The following ADAMTSL1 variants were observed in gnomAD, a reference collection of about 807,000 sequenced individuals.
ADAMTSL1 encodes the protein ADAMTS like 1, also known as ADAMTS-like protein 1.
In ADAMTSL1, 126 loss-of-function variants were observed where a neutral mutation model predicts 201.8. The ratio of observed to expected loss-of-function variants is 0.62; its 90% CI spans 0.54 to 0.72. ADAMTSL1 has a LOEUF of 0.72. Ranked by LOEUF, ADAMTSL1 falls within the 30% of genes least tolerant of loss-of-function variation. ADAMTSL1 has a pLI of 0.00. For synonymous variants in ADAMTSL1, 1,121 were observed against 903.4 expected (o/e 1.24, Z -4.32); for missense variants, 2,679 against 2,277.8 (o/e 1.18, Z -3.59).
At chr9:18,460,719 A>G (rs1820777863) in intron 2 of ADAMTSL1, among the ~76,000 whole-genome samples, 2 of 152,190 alleles carry the variant, frequency 1.3e-5, no homozygotes, top group Non-Finnish European at 2.9e-5. Context: ...AGACCAATGA[A>G]AATACTGCAT....
intron 23 of ADAMTSL1, among the ~76,000 whole-genome samples, chr9:18,867,141 T>C (rs972179059): frequency 4.6e-5 from 7 of 152,176 alleles, no homozygotes; most frequent in African/African-American, 1.7e-4. Context: ...AGGACAGATA[T>C]GAAGGGACTA....
At chr9:18,678,932 CCAAA>C (rs1465017988) in intron 10 of ADAMTSL1, among the ~76,000 whole-genome samples, 1 of 152,076 alleles carries the variant, frequency 6.6e-6, no homozygotes, top group Admixed American at 6.5e-5. Context: ...CTCCCAAGGG[CCAAA>C]CAGAGGGCCT....
chr9:18,828,095 A>G (rs1824699623), intron 22 of ADAMTSL1, among the ~76,000 whole-genome samples: 2 of 152,178 alleles, frequency 1.3e-5, no homozygotes, highest in South Asian at 4.1e-4. Flanking sequence ...TCATCCATGT[A>G]TTCATATAGT....
intron 2 of ADAMTSL1, among the ~76,000 whole-genome samples, chr9:18,374,223 C>T (rs796788879): frequency 5.9e-5 from 9 of 152,302 alleles, no homozygotes; most frequent in African/African-American, 2.2e-4. Flanking sequence ...CCTGGTCCTT[C>T]CTTGGAGCCG....
At chr9:18,125,327 C>T (rs1234378623) in intron 1 of ADAMTSL1, among the ~76,000 whole-genome samples, 3 of 152,148 alleles carry the variant, frequency 2.0e-5, no homozygotes, top group Non-Finnish European at 4.4e-5. Flanking sequence ...GACCCACCCC[C>T]ATAATTCAAT....
intron 15 of ADAMTSL1, among the ~76,000 whole-genome samples, chr9:18,737,756 A>C (rs1818598600): frequency 6.6e-6 from 1 of 152,258 alleles, no homozygotes; most frequent in African/African-American, 2.4e-5. Flanking sequence ...AAATGTATTA[A>C]GCAACTTGTC....
intron 16 of ADAMTSL1, 54 bp downstream of exon 16, chr9:18,753,562 A>G (rs1588046790): frequency 6.5e-7 from 1 of 1,547,716 alleles, no homozygotes; most frequent in Non-Finnish European, 8.7e-7. Context: ...AGTGACTCAA[A>G]AAAGGGATGC....
intron 25 of ADAMTSL1, among the ~76,000 whole-genome samples, chr9:18,891,402 A>G (rs192617597): frequency 1.2e-3 from 179 of 152,296 alleles, no homozygotes; most frequent in Middle Eastern, 3.4e-3. Context: ...TCTAGATTAC[A>G]TGAGCAACAG....
chr9:18,674,993 G>A (rs1564140140), intron 9 of ADAMTSL1, among the ~76,000 whole-genome samples: 2 of 120,718 alleles, frequency 1.7e-5, no homozygotes, highest in East Asian at 2.3e-4. Flanking sequence ...CAGTGAAGTA[G>A]GTCAGAGTAG....
intron 2 of ADAMTSL1, among the ~76,000 whole-genome samples, chr9:18,442,209 G>C (rs1044595966): frequency 4.6e-5 from 7 of 152,160 alleles, no homozygotes; most frequent in Non-Finnish European, 8.8e-5. Flanking sequence ...ACTTTAAAGG[G>C]AATGTTATAC....
intron 20 of ADAMTSL1, among the ~76,000 whole-genome samples, chr9:18,799,747 T>A (rs1336484212): frequency 6.6e-6 from 1 of 152,096 alleles, no homozygotes; most frequent in African/African-American, 2.4e-5. Context: ...CCTAGCATGT[T>A]TTTTTGCTCT....
intron 23 of ADAMTSL1, among the ~76,000 whole-genome samples, chr9:18,841,829 G>T (rs1825736337): frequency 6.6e-6 from 1 of 152,190 alleles, no homozygotes; most frequent in African/African-American, 2.4e-5. Flanking sequence ...TTGCGTAGAG[G>T]TGTTTGTAGT....
intron 5 of ADAMTSL1, among the ~76,000 whole-genome samples, chr9:18,624,590 G>A (rs1304613972): frequency 1.3e-5 from 2 of 152,242 alleles, no homozygotes; most frequent in East Asian, 1.9e-4. Flanking sequence ...TGTTTTTAAT[G>A]GTAAAGGTGC....
chr9:18,403,819 T>TA (rs982423519), intron 2 of ADAMTSL1, among the ~76,000 whole-genome samples: 14 of 152,322 alleles, frequency 9.2e-5, no homozygotes, highest in African/African-American at 3.4e-4. Context: ...TTTAATAACA[T>TA]TTATTATGTT....
intron 1 of ADAMTSL1, among the ~76,000 whole-genome samples, chr9:18,069,317 T>A (rs1007779508): frequency 6.6e-6 from 1 of 152,238 alleles, no homozygotes; most frequent in African/African-American, 2.4e-5. Context: ...TACTTTTTTC[T>A]AATGCAGTTA....
At chr9:18,840,757 T>C (rs1825663831) in intron 23 of ADAMTSL1, among the ~76,000 whole-genome samples, 2 of 150,808 alleles carry the variant, frequency 1.3e-5, no homozygotes, top group Admixed American at 6.6e-5. Flanking sequence ...TTCACATCCC[T>C]TGTAAGTTGG....
chr9:18,164,864 C>G (rs1037804111), intron 2 of ADAMTSL1, among the ~76,000 whole-genome samples: 5 of 151,878 alleles, frequency 3.3e-5, no homozygotes, highest in African/African-American at 9.7e-5. Flanking sequence ...TTCTTTCAGA[C>G]AGAGTAAATT....
At chr9:17,987,604 T>G (rs1818982122) in intron 1 of ADAMTSL1, among the ~76,000 whole-genome samples, 1 of 152,106 alleles carries the variant, frequency 6.6e-6, no homozygotes, top group African/African-American at 2.4e-5. Context: ...GGAGACCCTA[T>G]CTTGACTAAT....
At chr9:18,461,657 A>G (rs901061022) in intron 2 of ADAMTSL1, among the ~76,000 whole-genome samples, 1 of 152,202 alleles carries the variant, frequency 6.6e-6, no homozygotes, top group Non-Finnish European at 1.5e-5. Flanking sequence ...ACAAGGCAGT[A>G]TCTTGCCCTA....
Sources: allele counts gnomAD v4.1 joint callset (sites outside exome capture counted in the v4.1 genomes callset), GRCh38; gene constraint gnomAD v4.1.1; transcripts MANE v1.5; gene names NCBI Gene and HGNC (gene_info 2026-07-23, HGNC 2026-07-21).